ANO4: variants seen among roughly 807,000 people sequenced by gnomAD.
ANO4 encodes anoctamin 4.
A neutral mutation model predicts 141.9 loss-of-function variants in ANO4; 69 were observed. The ratio of observed to expected loss-of-function variants is 0.49; its 90% CI spans 0.40 to 0.59. ANO4 has a LOEUF of 0.59. Among genes scored for constraint, ANO4 ranks in the 20% least tolerant of loss-of-function variants. ANO4 has a pLI of 0.00. For missense variants in ANO4, 894 were observed against 1,162.2 expected, an observed-to-expected ratio of 0.77 and a Z score of 3.36; for synonymous variants, 350 against 394.3, an observed-to-expected ratio of 0.89 and a Z score of 1.33.
At chr12:101,003,715 G>A (rs1045038049) in intron 8 of ANO4, among the ~76,000 whole-genome samples, 1 of 152,046 alleles carries the variant, frequency 6.6e-6, no homozygotes, top group African/African-American at 2.4e-5. Context: ...GTGATCTATT[G>A]TATAGTAGGA....
intron 3 of ANO4, among the ~76,000 whole-genome samples, chr12:100,762,881 C>T (rs56156831): frequency 0.3 from 45,853 of 152,034 alleles, 7,961 homozygotes; most frequent in African/African-American, 0.47. Context: ...AGCACTAAAA[C>T]AGTGCCCAGA....
intron 13 of ANO4, among the ~76,000 whole-genome samples, chr12:101,044,057 C>G (rs1178384278): frequency 2.0e-5 from 3 of 152,130 alleles, no homozygotes; most frequent in Non-Finnish European, 4.4e-5. Flanking sequence ...GTAAATAGAC[C>G]TCAGTAAATG....
intron 8 of ANO4, among the ~76,000 whole-genome samples, chr12:100,994,955 G>A (rs938223836): frequency 6.6e-6 from 1 of 152,104 alleles, no homozygotes; most frequent in East Asian, 1.9e-4. Flanking sequence ...AACGTGTAGA[G>A]GCCAGGGATG....
chr12:100,890,536 T>C (rs2040052427), intron 1 of ANO4, among the ~76,000 whole-genome samples: 1 of 152,224 alleles, frequency 6.6e-6, no homozygotes, highest in Non-Finnish European at 1.5e-5. Context: ...TTTTTAGTTT[T>C]GTCAAATGAT....
chr12:100,908,354 A>C (rs964312055), intron 2 of ANO4, among the ~76,000 whole-genome samples: 33 of 152,224 alleles, frequency 2.2e-4, no homozygotes, highest in Non-Finnish European at 4.4e-4. Context: ...TCTCAAAAAA[A>C]CAAAAACAAA....
At chr12:100,739,981 C>T (rs1334567722) in exon 3 of ANO4, 1 of 702,610 alleles carries the variant, frequency 1.4e-6, no homozygotes, top group Admixed American at 2.0e-5. Flanking sequence ...TCCCTGTGTA[C>T]CACCGATCCT....
chr12:100,935,101 T>G (rs1234218727), intron 3 of ANO4, among the ~76,000 whole-genome samples: 1 of 152,218 alleles, frequency 6.6e-6, no homozygotes, highest in Admixed American at 6.5e-5. Context: ...CCTGCCTGAT[T>G]GCCCTGGCCA....
chr12:101,073,450 G>A (rs1352530208), intron 14 of ANO4, among the ~76,000 whole-genome samples: 11 of 151,796 alleles, frequency 7.2e-5, no homozygotes, highest in Non-Finnish European at 1.5e-4. Flanking sequence ...GAGGGATAGC[G>A]TTAGGAGAAA....
chr12:100,896,368 T>A lies in ANO4; in HGVS notation c.-140-5278T>A, dbSNP rs145757894. 3.1e-3 allele frequency among the ~76,000 whole-genome samples: 475 copies of A among 151,704 alleles called. 4 individuals carry two copies. The highest frequency in any genetic ancestry group is 0.011 in the African/African-American group (449 of 41,002). The stretch of plus-strand genomic sequence containing the variant: ...ACAGAGATAGAGATTGGAGTGATGT[T>A]GTCACAAGGCGAGGAACACCAAGGA... On this transcript the variant is annotated intron_variant, in intron 1 of 27. Coordinates refer to ENST00000392977, the MANE Select transcript of ANO4 (RefSeq NM_001286615.2).
At chr12:100,837,830 CA>C (rs1360303147) in intron 1 of ANO4, among the ~76,000 whole-genome samples, 2 of 151,180 alleles carry the variant, frequency 1.3e-5, no homozygotes, top group Non-Finnish European at 2.9e-5. Context: ...AGAGCTTCAA[CA>C]GATTATTTTT....
chr12:101,113,168 C>T (rs1275451447), intron 24 of ANO4, among the ~76,000 whole-genome samples: 1 of 152,192 alleles, frequency 6.6e-6, no homozygotes, highest in Non-Finnish European at 1.5e-5. Context: ...AGCCTCGACT[C>T]ACTCTCCATC....
chr12:101,070,107 A>G (rs1414610974), intron 14 of ANO4, among the ~76,000 whole-genome samples: 1 of 152,210 alleles, frequency 6.6e-6, no homozygotes, highest in Non-Finnish European at 1.5e-5. Context: ...CAATCTACAG[A>G]TTCAATGCAA....
intron 1 of ANO4, among the ~76,000 whole-genome samples, chr12:100,804,547 A>G (rs2034886166): frequency 6.6e-6 from 1 of 152,166 alleles, no homozygotes. Context: ...GCAATGGCTG[A>G]AGTAATTTAC....
intron 8 of ANO4, among the ~76,000 whole-genome samples, chr12:100,988,927 T>C (rs908553899): frequency 1.3e-5 from 2 of 148,366 alleles, no homozygotes; most frequent in East Asian, 3.9e-4. Flanking sequence ...CAAATGGCAG[T>C]TTTCAAGAAG....
chr12:100,965,029 C>T (rs1467961693), intron 5 of ANO4, among the ~76,000 whole-genome samples: 5 of 152,144 alleles, frequency 3.3e-5, no homozygotes, highest in African/African-American at 1.2e-4. Flanking sequence ...CACAGGCCAT[C>T]AGTAAAGATT....
intron 16 of ANO4, among the ~76,000 whole-genome samples, chr12:101,085,389 T>A (rs1051386575): frequency 6.6e-6 from 1 of 152,180 alleles, no homozygotes; most frequent in East Asian, 1.9e-4. Context: ...AAAAAAAGGT[T>A]AGTTGTAGCT....
At chr12:100,863,732 T>C (rs2038603881) in intron 1 of ANO4, among the ~76,000 whole-genome samples, 1 of 152,214 alleles carries the variant, frequency 6.6e-6, no homozygotes, top group Non-Finnish European at 1.5e-5. Context: ...ACAAAGATTT[T>C]TGGGACAGGA....
intron 1 of ANO4, among the ~76,000 whole-genome samples, chr12:100,838,173 T>A (rs1593474949): frequency 7.3e-6 from 1 of 137,114 alleles, no homozygotes; most frequent in Non-Finnish European, 1.5e-5. Context: ...GAGGATGCAG[T>A]GAGCCGAGAT....
chr12:100,883,951 C>T (rs2039694502), intron 1 of ANO4, among the ~76,000 whole-genome samples: 1 of 152,060 alleles, frequency 6.6e-6, no homozygotes, highest in South Asian at 2.1e-4. Context: ...AACGGTTGTC[C>T]TCTGGAGGGA....
Sources: gnomAD v4.1 joint callset for allele counts (sites outside exome capture counted in the v4.1 genomes callset) on GRCh38, gnomAD v4.1.1 for gene constraint, MANE v1.5 for transcripts, NCBI Gene and HGNC (gene_info 2026-07-23, HGNC 2026-07-21) for gene names.